CPS1: variants seen among roughly 807,000 people sequenced by gnomAD.
CPS1 encodes carbamoyl-phosphate synthase [ammonia], mitochondrial.
Under a neutral mutation model 174.6 loss-of-function variants are expected in CPS1, and 109 were observed. The observed-to-expected ratio is 0.62, with a 90% CI of 0.53 to 0.73. CPS1 has a LOEUF of 0.73. Among genes scored for constraint, CPS1 ranks in the 30% least tolerant of loss-of-function variants. The pLI, the probability that CPS1 is intolerant of heterozygous loss-of-function variation, is 0.00. For missense variants in CPS1, 1,689 were observed against 1,821.9 expected, an observed-to-expected ratio of 0.93 and a Z score of 1.33; for synonymous variants, 637 against 632.0, an observed-to-expected ratio of 1.01 and a Z score of -0.12.
intron 11 of CPS1, chr2:210,593,312 C>G (rs1698373338): frequency 1.8e-6 from 2 of 1,115,084 alleles, no homozygotes; most frequent in South Asian, 4.3e-5. Flanking sequence ...TTTTAATCCC[C>G]CATCTGTGAC....
chr2:210,609,678 G>GTTGATTAGAGTACA (rs1699041714), intron 19 of CPS1, among the ~76,000 whole-genome samples: 6 of 151,828 alleles, frequency 4.0e-5, no homozygotes, highest in Admixed American at 2.0e-4. Flanking sequence ...GGCCAGTGTG[G>GTTGATTAGAGTACA]GAGCTTTTAG....
At chr2:210,507,037 A>G (rs1221154735) in intron 1 of CPS1, among the ~76,000 whole-genome samples, 11 of 152,192 alleles carry the variant, frequency 7.2e-5, no homozygotes, top group Non-Finnish European at 1.6e-4. Context: ...CGCCACAAAG[A>G]TACTCCTCAA....
At position 210,512,767 on chromosome 2, in the gene CPS1, T is replaced by G. The variant is rs575827240; in HGVS notation, c.3+35001T>G. ...ATATATATATATATATATATATATATATATATATATATATATATGGAGAGA... is the reference window on the plus strand; with the variant it reads ...ATATATATATATATATATATATATAGATATATATATATATATATGGAGAGA... On this transcript the variant is annotated intron_variant, in intron 1 of 38. Coordinates refer to the CPS1 transcript ENST00000430249. Among the ~76,000 whole-genome samples, 104 of 68,548 alleles carry G rather than the reference T, an allele frequency of 1.5e-3. 5 individuals are homozygous for G. The highest frequency in any genetic ancestry group is 8.3e-3 in the African/African-American group (83 of 10,052). 45.0% of individuals were successfully genotyped at this position (68,548 alleles called of 152,430 possible). A position where few individuals can be genotyped will look rare whatever the true frequency, so the allele number is the denominator to read the frequency against.
intron 33 of CPS1, 74 bp from the exon 34 acceptor site, chr2:210,668,108 TTTAA>T: frequency 1.3e-6 from 1 of 794,798 alleles, no homozygotes; most frequent in South Asian, 1.4e-5. Context: ...GTGTGTGTAT[TTTAA>T]TTTTAATTTT....
At chr2:210,645,280 C>T (rs185235126) in intron 25 of CPS1, among the ~76,000 whole-genome samples, 196 of 151,968 alleles carry the variant, frequency 1.3e-3, no homozygotes, top group Non-Finnish European at 1.9e-3. Context: ...TGATTCTAGT[C>T]GTCAATGATG....
intron 5 of CPS1, among the ~76,000 whole-genome samples, chr2:210,581,772 A>G (rs1574550367): frequency 1.3e-5 from 2 of 152,252 alleles, no homozygotes; most frequent in East Asian, 1.9e-4. Context: ...CTTACCCCCA[A>G]GTGACTTCTC....
intron 1 of CPS1, among the ~76,000 whole-genome samples, chr2:210,516,122 T>C (rs928259780): frequency 6.6e-6 from 1 of 151,864 alleles, no homozygotes. Context: ...GCTGAGCATG[T>C]GGTTGACCTT....
At chr2:210,512,763 TATATATATATATATATATATATGG>T (rs1211449616) in intron 1 of CPS1, among the ~76,000 whole-genome samples, 8 of 111,150 alleles carry the variant, frequency 7.2e-5, no homozygotes, top group African/African-American at 3.1e-4. Flanking sequence ...TATATATATA[TATATATATATATATATATATATGG>T]AGAGAGAGAT....
At chr2:210,542,045 A>C (rs1011536676) in intron 1 of CPS1, among the ~76,000 whole-genome samples, 1 of 152,090 alleles carries the variant, frequency 6.6e-6, no homozygotes, top group Non-Finnish European at 1.5e-5. Flanking sequence ...CATATACTCA[A>C]GTATTCTTAG....
chr2:210,599,092 A>G (rs1467584461), intron 13 of CPS1, among the ~76,000 whole-genome samples: 2 of 151,948 alleles, frequency 1.3e-5, no homozygotes, highest in East Asian at 3.9e-4. Context: ...GACCAATTAT[A>G]TAGAAATGGT....
intron 22 of CPS1, among the ~76,000 whole-genome samples, chr2:210,638,727 C>A (rs1700115101): frequency 6.6e-6 from 1 of 152,104 alleles, no homozygotes; most frequent in African/African-American, 2.4e-5. Flanking sequence ...TTGTGTCATC[C>A]CACCGCTCAG....
chr2:210,651,011 C>G (rs1320421229), intron 28 of CPS1, among the ~76,000 whole-genome samples: 1 of 152,158 alleles, frequency 6.6e-6, no homozygotes, highest in Non-Finnish European at 1.5e-5. Flanking sequence ...TCCTCCACTG[C>G]CCCCCAGCCT....
chr2:210,486,580 G>A (rs998019924), intron 1 of CPS1, among the ~76,000 whole-genome samples: 20 of 152,100 alleles, frequency 1.3e-4, no homozygotes, highest in African/African-American at 4.6e-4. Flanking sequence ...GTGCGATCGC[G>A]GCTTACCGCA....
At chr2:210,500,713 A>G (rs1574470793) in intron 1 of CPS1, among the ~76,000 whole-genome samples, 1 of 152,188 alleles carries the variant, frequency 6.6e-6, no homozygotes, top group East Asian at 1.9e-4. Flanking sequence ...AGCTGTTTTC[A>G]CGACTGGCAC....
At chr2:210,529,963 C>A (rs2105998853) in intron 1 of CPS1, among the ~76,000 whole-genome samples, 1 of 152,138 alleles carries the variant, frequency 6.6e-6, no homozygotes, top group South Asian at 2.1e-4. Context: ...TCTTCTTATG[C>A]ATTTCACGTT....
At chr2:210,606,322 T>G in intron 17 of CPS1, among the ~76,000 whole-genome samples, 1 of 151,738 alleles carries the variant, frequency 6.6e-6, no homozygotes, top group East Asian at 2.0e-4. Flanking sequence ...AGACTAAGAT[T>G]GCAGATATAA....
intron 1 of CPS1, among the ~76,000 whole-genome samples, chr2:210,566,613 A>G (rs1697311149): frequency 6.6e-6 from 1 of 152,214 alleles, no homozygotes; most frequent in African/African-American, 2.4e-5. Context: ...AATAAAAGTA[A>G]GCTTAGAAAA....
At chr2:210,578,134 C>T (rs1413120444) in intron 4 of CPS1, among the ~76,000 whole-genome samples, 8 of 151,816 alleles carry the variant, frequency 5.3e-5, no homozygotes, top group Non-Finnish European at 8.8e-5. Flanking sequence ...TTGAGATGGA[C>T]TTTCACTCTT....
intron 1 of CPS1, among the ~76,000 whole-genome samples, chr2:210,508,345 A>G (rs1158767362): frequency 1.3e-5 from 2 of 151,786 alleles, no homozygotes; most frequent in Non-Finnish European, 2.9e-5. Flanking sequence ...ACAAAGACAC[A>G]ACATACCAGA....
Sources: gnomAD v4.1 joint callset for allele counts (sites outside exome capture counted in the v4.1 genomes callset) on GRCh38, gnomAD v4.1.1 for gene constraint, MANE v1.5 for transcripts, NCBI Gene and HGNC (gene_info 2026-07-23, HGNC 2026-07-21) for gene names.